The following MAGI1 variants were observed in gnomAD, a reference collection of about 807,000 sequenced individuals.
The protein encoded by MAGI1 is membrane-associated guanylate kinase, WW and PDZ domain-containing protein 1.
MAGI1 carries 58 observed loss-of-function variants against 139.9 expected under a neutral mutation model. The ratio of observed to expected loss-of-function variants is 0.41; its 90% CI spans 0.34 to 0.52. The LOEUF (loss-of-function observed/expected upper bound fraction) is 0.52. Among genes scored for constraint, MAGI1 ranks in the 20% least tolerant of loss-of-function variants. The pLI is 0.12. For synonymous variants in MAGI1, 812 were observed against 737.9 expected (o/e 1.10, Z -1.63); for missense variants, 1,874 against 1,901.6 (o/e 0.99, Z 0.27).
intron 1 of MAGI1, among the ~76,000 whole-genome samples, chr3:65,717,146 T>A (rs998276583): frequency 2.0e-5 from 3 of 152,130 alleles, no homozygotes; most frequent in African/African-American, 7.2e-5. Flanking sequence ...GAAATATATA[T>A]GATAACAGAA....
At chr3:65,726,904 C>T (rs6445498) in intron 1 of MAGI1, among the ~76,000 whole-genome samples, 45,837 of 147,264 alleles carry the variant, frequency 0.31, 7,622 homozygotes, top group African/African-American at 0.4. Flanking sequence ...GATGGATAAA[C>T]AGGTTGAGTA....
chr3:65,545,861 C>T lies in MAGI1; in HGVS notation c.431-52230G>A, dbSNP rs1207395944. Reference sequence around the variant, plus strand: ...AATTAAACAGCCTGTATGTAGTAAACGGGTCACAGAAAGGGTAGGTTATGC... The same window carrying T: ...AATTAAACAGCCTGTATGTAGTAAATGGGTCACAGAAAGGGTAGGTTATGC... On this transcript the variant is annotated intron_variant, in intron 2 of 22. Transcript: ENST00000402939. Among the ~76,000 whole-genome samples the T allele has an allele frequency of 5.9e-5, 9 of 151,886 alleles. No homozygotes were observed. The South Asian group carries it at 8.3e-4, about 14-fold the overall frequency.
At chr3:65,464,114 G>A (rs1950006854) in intron 5 of MAGI1, among the ~76,000 whole-genome samples, 1 of 151,930 alleles carries the variant, frequency 6.6e-6, no homozygotes. Context: ...TCCTAATATT[G>A]ACAATTTGGT....
At chr3:65,563,956 C>T (rs961000457) in intron 2 of MAGI1, among the ~76,000 whole-genome samples, 2 of 152,080 alleles carry the variant, frequency 1.3e-5, no homozygotes, top group African/African-American at 2.4e-5. Flanking sequence ...TGGTGCCTGG[C>T]ACATGGGAAA....
intron 1 of MAGI1, among the ~76,000 whole-genome samples, chr3:65,976,608 G>A (rs2065278800): frequency 6.6e-6 from 1 of 152,272 alleles, no homozygotes; most frequent in South Asian, 2.1e-4. Flanking sequence ...TCCAGCCTGG[G>A]TGACAGACTG....
intron 1 of MAGI1, among the ~76,000 whole-genome samples, chr3:65,643,665 C>A (rs994380849): frequency 6.7e-6 from 1 of 148,624 alleles, no homozygotes; most frequent in Non-Finnish European, 1.5e-5. Context: ...AGGAAAACAA[C>A]AACAACAACA....
intron 1 of MAGI1, among the ~76,000 whole-genome samples, chr3:65,978,107 A>G (rs1213584961): frequency 6.6e-6 from 1 of 152,248 alleles, no homozygotes; most frequent in African/African-American, 2.4e-5. Context: ...TAAGCTTTAT[A>G]ATAATAGCAG....
In MAGI1 at chr3:65,357,100, C is replaced by A. The variant is rs372252686; in HGVS notation, c.3667G>T (p.Gly1223Cys). The change falls in exon 23 of 23, where the codon GGT becomes TGT. Residue 1223 changes from glycine to cysteine, a missense_variant. Transcript: ENST00000402939. ...PSSDRHGPAT[G>C]PQGVPEVRAG... ...CTCACTTCCGGAACACCTTGTGGAC[C>A]GGTGGCGGGGCCGTGGCGGTCGCTG... 2.5e-6 allele frequency: 4 copies of A among 1,613,050 alleles called. No individual in the cohort carries two copies. The highest frequency in any genetic ancestry group is 2.7e-5 in the African/African-American group (2 of 74,896).
At chr3:65,632,418 A>T (rs1180751779) in intron 1 of MAGI1, among the ~76,000 whole-genome samples, 1 of 152,230 alleles carries the variant, frequency 6.6e-6, no homozygotes, top group Non-Finnish European at 1.5e-5. Context: ...TAAGAAAATT[A>T]ATTTGGAGTA....
At chr3:65,770,857 T>C (rs565104413) in intron 1 of MAGI1, among the ~76,000 whole-genome samples, 1 of 151,850 alleles carries the variant, frequency 6.6e-6, no homozygotes, top group Non-Finnish European at 1.5e-5. Context: ...CCTAGCTAAT[T>C]TGTTTTTCTA....
At position 65,476,627 on chromosome 3, in the gene MAGI1, A is replaced by C. The variant is rs75183347; in HGVS notation, c.757+1965T>G. The stretch of plus-strand genomic sequence containing the variant: ...ATAAATAGAGGACAAATACAGGCAC[A>C]CAAGCTTCTTGGGGACCACCCAATC... On this transcript the variant is annotated intron_variant, in intron 4 of 22. Coordinates refer to ENST00000402939, the MANE Select transcript of MAGI1 (RefSeq NM_001033057.2). Among the ~76,000 whole-genome samples, 141 of 152,338 alleles carry C rather than the reference A, an allele frequency of 9.3e-4. 2 individuals carry two copies. The East Asian group carries it at 0.025, about 28-fold the overall frequency.
At chr3:65,402,538 A>C (rs1008645393) in intron 12 of MAGI1, among the ~76,000 whole-genome samples, 2 of 152,256 alleles carry the variant, frequency 1.3e-5, no homozygotes, top group African/African-American at 4.8e-5. Flanking sequence ...TAGAATGCAA[A>C]ATACAGATTC....
chr3:65,524,680 G>T (rs995239524), intron 2 of MAGI1, among the ~76,000 whole-genome samples: 1 of 152,192 alleles, frequency 6.6e-6, no homozygotes, highest in Non-Finnish European at 1.5e-5. Flanking sequence ...GAAGGGCATT[G>T]AAGTTATGTA....
At chr3:65,943,043 T>C (rs2063386362) in intron 1 of MAGI1, among the ~76,000 whole-genome samples, 1 of 152,112 alleles carries the variant, frequency 6.6e-6, no homozygotes. Context: ...ATTTGTAAAA[T>C]GTTCACAATA....
At chr3:65,448,719 C>T (rs1948830769) in intron 6 of MAGI1, among the ~76,000 whole-genome samples, 1 of 152,054 alleles carries the variant, frequency 6.6e-6, no homozygotes, top group African/African-American at 2.4e-5. Context: ...CACACACACA[C>T]ACACACACAC....
chr3:65,806,481 C>T (rs1462394725), intron 1 of MAGI1, among the ~76,000 whole-genome samples: 2 of 152,086 alleles, frequency 1.3e-5, no homozygotes, highest in East Asian at 1.9e-4. Context: ...GGGCAAACGC[C>T]GAGCTGTAAC....
chr3:65,766,341 A>G (rs1336821086), intron 1 of MAGI1, among the ~76,000 whole-genome samples: 1 of 152,136 alleles, frequency 6.6e-6, no homozygotes, highest in Non-Finnish European at 1.5e-5. Flanking sequence ...GAATATACCC[A>G]AGCTATTGTG....
chr3:65,987,354 C>G (rs2065933528), intron 1 of MAGI1, among the ~76,000 whole-genome samples: 2 of 152,244 alleles, frequency 1.3e-5, no homozygotes, highest in South Asian at 4.1e-4. Flanking sequence ...ACCGACCCCT[C>G]AGGGTTGGTA....
chr3:66,012,397 T>A (rs2067369510), intron 1 of MAGI1, among the ~76,000 whole-genome samples: 1 of 151,972 alleles, frequency 6.6e-6, no homozygotes, highest in African/African-American at 2.4e-5. Context: ...GAAGAGGTAG[T>A]ATTAAAAGTT....
Sources: allele counts gnomAD v4.1 joint callset (sites outside exome capture counted in the v4.1 genomes callset), GRCh38; gene constraint gnomAD v4.1.1; transcripts MANE v1.5; gene names NCBI Gene and HGNC (gene_info 2026-07-23, HGNC 2026-07-21).